Variants in VEGFC observed in about 807,000 individuals in gnomAD.
VEGFC encodes the protein vascular endothelial growth factor C.
A neutral mutation model predicts 46.1 loss-of-function variants in VEGFC; 12 were observed. The ratio of observed to expected loss-of-function variants is 0.26; its 90% CI spans 0.17 to 0.42. VEGFC has a LOEUF of 0.42. Ranked by LOEUF, VEGFC falls within the 10% of genes least tolerant of loss-of-function variation. The pLI is 1.00. For missense variants in VEGFC, 488 were observed against 529.4 expected (o/e 0.92, Z 0.77); for synonymous variants, 232 against 195.5 (o/e 1.19, Z -1.56).
chr4:176,743,340 G>T (rs1461640766), intron 1 of VEGFC, among the ~76,000 whole-genome samples: 1 of 151,886 alleles, frequency 6.6e-6, no homozygotes, highest in African/African-American at 2.4e-5. Context: ...GTGTATGGAG[G>T]TATTTGATAT....
rs1254002745 is a variant in VEGFC, at chr4:176,723,374, G to A, written c.552+4404C>T. Among the ~76,000 whole-genome samples, 11 of 151,864 alleles carry A rather than the reference G, an allele frequency of 7.2e-5. 1 individual carries two copies. Among genetic ancestry groups the A allele is most frequent in the African/African-American group, 2.2e-4 (9 of 41,414 alleles). ...TATATTTAGGTTTGGGGGTCCATGT[G>A]CAGGTTTGTTACATACGTAAACTTT... On this transcript the variant is annotated intron_variant, in intron 3 of 6. Coordinates refer to ENST00000618562, the MANE Select transcript of VEGFC (RefSeq NM_005429.5).
chr4:176,748,749 CA>C (rs1228767065), intron 1 of VEGFC, among the ~76,000 whole-genome samples: 1 of 151,760 alleles, frequency 6.6e-6, no homozygotes, highest in Admixed American at 6.6e-5. Flanking sequence ...AACTCTTTAC[CA>C]AAGTAAAGTG....
chr4:176,709,711 G>C (rs1458061987), intron 4 of VEGFC, among the ~76,000 whole-genome samples: 1 of 152,148 alleles, frequency 6.6e-6, no homozygotes, highest in African/African-American at 2.4e-5. Context: ...ACCAGAATAG[G>C]GTGGTGAGAA....
intron 1 of VEGFC, among the ~76,000 whole-genome samples, chr4:176,774,689 A>G (rs1735784666): frequency 6.6e-6 from 1 of 152,216 alleles, no homozygotes; most frequent in Non-Finnish European, 1.5e-5. Flanking sequence ...ACTGTCTTGA[A>G]GATATATTAC....
At chr4:176,727,507 ATACG>A (rs1734890883) in intron 3 of VEGFC, among the ~76,000 whole-genome samples, 1 of 152,168 alleles carries the variant, frequency 6.6e-6, no homozygotes, top group Admixed American at 6.5e-5. Flanking sequence ...ACACACATAC[ATACG>A]TATATTTATT....
chr4:176,716,315 G>A (rs951069657), intron 3 of VEGFC, among the ~76,000 whole-genome samples: 2 of 151,908 alleles, frequency 1.3e-5, no homozygotes, highest in African/African-American at 2.4e-5. Context: ...GGTGACTCAC[G>A]CCTGTAACCC....
intron 3 of VEGFC, among the ~76,000 whole-genome samples, chr4:176,719,673 G>A (rs1396789879): frequency 6.6e-6 from 1 of 152,118 alleles, no homozygotes; most frequent in African/African-American, 2.4e-5. Context: ...ATCCATCACT[G>A]TACACCTACA....
intron 4 of VEGFC, among the ~76,000 whole-genome samples, chr4:176,699,309 A>C (rs1160724166): frequency 6.6e-6 from 1 of 152,228 alleles, no homozygotes; most frequent in Admixed American, 6.5e-5. Context: ...CCTTCAGAGC[A>C]TCGTCATGTC....
chr4:176,768,491 C>CATACATATATATATATATATAT (rs1553996841), intron 1 of VEGFC, among the ~76,000 whole-genome samples: 36 of 100,560 alleles, frequency 3.6e-4, no homozygotes, highest in African/African-American at 1.1e-3. Flanking sequence ...ATGTTTTATA[C>CATACATATATATATATATATAT]ATATATATAT....
At chr4:176,692,307 T>C (rs1734205813) in intron 4 of VEGFC, among the ~76,000 whole-genome samples, 1 of 132,460 alleles carries the variant, frequency 7.5e-6, no homozygotes, top group Admixed American at 7.3e-5. Flanking sequence ...GGCAGGAGAA[T>C]GGCGTGAACC....
chr4:176,687,290 G>A lies in VEGFC; in HGVS notation c.1042C>T (p.Pro348Ser). Residue 348 changes from proline to serine, a missense_variant, in exon 6 of 7, where the codon CCC becomes TCC. Transcript: ENST00000618562. ...TCQCVCKRTCPRNQPLNPGKC... is the reference protein window; with the variant it reads ...TCQCVCKRTCSRNQPLNPGKC... ...CCAGGATTTAGGGGTTGATTTCTGG[G>A]GCAGGTTCTTTTACATACACACTGG... 1 of 1,613,960 alleles carries A rather than the reference G, an allele frequency of 6.2e-7. No individual in the cohort carries two copies. The highest frequency in any genetic ancestry group is 8.5e-7 in the Non-Finnish European group (1 of 1,179,990).
chr4:176,759,198 C>T (rs1735485023), intron 1 of VEGFC, among the ~76,000 whole-genome samples: 2 of 152,076 alleles, frequency 1.3e-5, no homozygotes, highest in African/African-American at 4.8e-5. Context: ...ATAGACTACC[C>T]TTTGGAAAGA....
chr4:176,730,960 T>C (rs1734953153), intron 1 of VEGFC, among the ~76,000 whole-genome samples: 1 of 152,106 alleles, frequency 6.6e-6, no homozygotes, highest in African/African-American at 2.4e-5. Context: ...AATGTGTTGT[T>C]CCCTATTAGA....
chr4:176,783,661 A>G (rs184534015), intron 1 of VEGFC, among the ~76,000 whole-genome samples: 2 of 152,304 alleles, frequency 1.3e-5, no homozygotes, highest in African/African-American at 4.8e-5. Flanking sequence ...GGTGTGGTCT[A>G]TGGACACCTG....
chr4:176,692,097 T>TA (rs1484607820), intron 4 of VEGFC, among the ~76,000 whole-genome samples: 1 of 151,948 alleles, frequency 6.6e-6, no homozygotes, highest in East Asian at 1.9e-4. Flanking sequence ...CCGACGGGCT[T>TA]AAAAAACGGC....
chr4:176,764,092 A>T (rs1454214321), intron 1 of VEGFC, among the ~76,000 whole-genome samples: 1 of 152,204 alleles, frequency 6.6e-6, no homozygotes, highest in Non-Finnish European at 1.5e-5. Context: ...AGAAAATATG[A>T]GATGAAACGA....
intron 3 of VEGFC, among the ~76,000 whole-genome samples, chr4:176,724,305 T>C (rs1481956704): frequency 6.6e-6 from 1 of 152,092 alleles, no homozygotes; most frequent in East Asian, 1.9e-4. Context: ...ATATTTTCAT[T>C]TGTTCTCATG....
intron 3 of VEGFC, among the ~76,000 whole-genome samples, chr4:176,716,630 C>T (rs1243900211): frequency 6.7e-6 from 1 of 148,226 alleles, no homozygotes; most frequent in East Asian, 2.0e-4. Context: ...AAAGAGACCT[C>T]ACGGTGAGGG....
chr4:176,745,816 A>T (rs1015684712), intron 1 of VEGFC, among the ~76,000 whole-genome samples: 1 of 152,126 alleles, frequency 6.6e-6, no homozygotes, highest in African/African-American at 2.4e-5. Flanking sequence ...CATGGGAAAC[A>T]TAAGCCTGAA....
Sources: allele counts gnomAD v4.1 joint callset (sites outside exome capture counted in the v4.1 genomes callset), GRCh38; gene constraint gnomAD v4.1.1; transcripts MANE v1.5; gene names NCBI Gene and HGNC (gene_info 2026-07-23, HGNC 2026-07-21).